LRRIQ1: variants seen among roughly 807,000 people sequenced by gnomAD.
LRRIQ1 encodes the protein leucine rich repeats and IQ motif containing 1, also known as leucine-rich repeat- and IQ domain-containing protein 1.
Under a neutral mutation model 211.9 loss-of-function variants are expected in LRRIQ1, and 210 were observed. The observed-to-expected ratio is 0.99, with a 90% CI of 0.89 to 1.11. LRRIQ1 has a LOEUF of 1.11. Among genes scored for constraint, LRRIQ1 ranks in the 50% most tolerant of loss-of-function variants. LRRIQ1 has a pLI of 0.00. For missense variants in LRRIQ1, 2,136 were observed against 1,939.5 expected, an observed-to-expected ratio of 1.10 and a Z score of -1.90; for synonymous variants, 699 against 650.1, an observed-to-expected ratio of 1.08 and a Z score of -1.14.
At chr12:85,271,988 C>T in the LRRIQ1 span, among the ~76,000 whole-genome samples, 1 of 151,806 alleles carries the variant, frequency 6.6e-6, no homozygotes, top group Non-Finnish European at 1.5e-5. Context: ...ATGGATGATA[C>T]CTGAAGAAAT....
rs1367845533 is a variant in LRRIQ1, at chr12:85,153,817, G to A, written c.4637+59G>A. ...AATTGAGAGATTGCTAAAAGTCCAA[G>A]ACAGATACTTTTCAAGATTTTAAGA... On this transcript the variant is annotated intron_variant, in intron 22 of 26. Transcript: ENST00000393217. 4 of 1,126,600 alleles carry A rather than the reference G, an allele frequency of 3.6e-6. No individual in the cohort carries two copies. The African/African-American group carries it at 4.9e-5, about 14-fold the overall frequency. 69.8% of individuals were successfully genotyped at this position (1,126,600 alleles called of 1,614,324 possible). A position where few individuals can be genotyped will look rare whatever the true frequency, so the allele number is the denominator to read the frequency against.
intron 26 of LRRIQ1, among the ~76,000 whole-genome samples, chr12:85,243,135 C>T (rs1335946579): frequency 6.7e-6 from 1 of 149,610 alleles, no homozygotes; most frequent in Non-Finnish European, 1.5e-5. Flanking sequence ...CATGTTTTTT[C>T]TTGTTACCTA....
At chr12:85,166,511 AT>A (rs1273679150) in intron 24 of LRRIQ1, among the ~76,000 whole-genome samples, 1 of 152,196 alleles carries the variant, frequency 6.6e-6, no homozygotes, top group Admixed American at 6.5e-5. Context: ...ACTCCAGAAC[AT>A]TTCTTTTGTG....
chr12:85,133,104 G>A, intron 18 of LRRIQ1, among the ~76,000 whole-genome samples: 1 of 152,076 alleles, frequency 6.6e-6, no homozygotes, highest in Admixed American at 6.5e-5. Context: ...AAGGAAATTG[G>A]GGGAAATATA....
At chr12:85,195,134 A>G (rs967624123) in intron 24 of LRRIQ1, among the ~76,000 whole-genome samples, 2 of 152,146 alleles carry the variant, frequency 1.3e-5, no homozygotes, top group South Asian at 2.1e-4. Flanking sequence ...AAGAAGTTGA[A>G]TCTCTGAATA....
At chr12:85,226,413 A>G (rs1021291108) in intron 24 of LRRIQ1, among the ~76,000 whole-genome samples, 2 of 152,138 alleles carry the variant, frequency 1.3e-5, no homozygotes, top group Non-Finnish European at 2.9e-5. Context: ...TAAGGAAACC[A>G]GATCAGTAGC....
chr12:85,040,513 A>T lies in LRRIQ1; in HGVS notation c.156A>T (p.Ser52=), dbSNP rs1376821330. The change falls in exon 3 of 27, where the codon TCA becomes TCT. Residue 52 remains serine (S), a synonymous_variant. Coordinates refer to ENST00000393217, the MANE Select transcript of LRRIQ1 (RefSeq NM_001079910.2). ...AGGATTCAGTTGAATTACCAGAATC[A>T]GTTCTTCACTGTATTAACATCATAA... ...SDTDSVELPE[S]VLHCINIIKN... The T allele has an allele frequency of 6.4e-7, 1 of 1,553,806 alleles. No homozygotes were observed. Among genetic ancestry groups the T allele is most frequent in the Non-Finnish European group, 8.7e-7 (1 of 1,148,846 alleles).
chr12:85,099,085 T>C, intron 13 of LRRIQ1, 91 bp downstream of exon 13: 1 of 805,064 alleles, frequency 1.2e-6, no homozygotes, highest in Non-Finnish European at 1.8e-6. Context: ...TAGATTTCTC[T>C]AATAATTCAA....
At chr12:85,152,841 A>C (rs1890325899) in intron 20 of LRRIQ1, among the ~76,000 whole-genome samples, 183 bp from the exon 21 acceptor site, 1 of 151,598 alleles carries the variant, frequency 6.6e-6, no homozygotes, top group Non-Finnish European at 1.5e-5. Flanking sequence ...CAAAAAGCAT[A>C]ATTTCCACCA....
At chr12:85,185,534 A>G in intron 24 of LRRIQ1, among the ~76,000 whole-genome samples, 1 of 151,970 alleles carries the variant, frequency 6.6e-6, no homozygotes, top group Admixed American at 6.6e-5. Context: ...TATTTAAGTT[A>G]CAGCAATAAC....
At chr12:85,106,353 AG>A (rs1704738393) in intron 14 of LRRIQ1, among the ~76,000 whole-genome samples, 168 bp from the exon 15 acceptor site, 2 of 152,352 alleles carry the variant, frequency 1.3e-5, no homozygotes, top group African/African-American at 4.8e-5. Context: ...TTCTGACAAT[AG>A]TCTGTGTCCT....
chr12:85,194,521 A>G (rs1430131878), intron 24 of LRRIQ1, among the ~76,000 whole-genome samples: 5 of 149,912 alleles, frequency 3.3e-5, no homozygotes, highest in African/African-American at 1.2e-4. Context: ...TAAGAATCTC[A>G]CTCAAAACCG....
intron 24 of LRRIQ1, among the ~76,000 whole-genome samples, chr12:85,227,495 C>G (rs1894721127): frequency 6.6e-6 from 1 of 151,972 alleles, no homozygotes; most frequent in African/African-American, 2.4e-5. Flanking sequence ...CTGTTCATAT[C>G]CTTCGCCCAC....
chr12:85,113,907 T>TTTGTGTGTGTG (rs1239287833), intron 15 of LRRIQ1, among the ~76,000 whole-genome samples: 2 of 140,866 alleles, frequency 1.4e-5, no homozygotes, highest in Non-Finnish European at 3.1e-5. Flanking sequence ...CAAATGAGTT[T>TTTGTGTGTGTG]TGTGTGTGTG....
intron 18 of LRRIQ1, among the ~76,000 whole-genome samples, chr12:85,129,566 T>A (rs1213408303): frequency 6.6e-6 from 1 of 152,152 alleles, no homozygotes; most frequent in Non-Finnish European, 1.5e-5. Flanking sequence ...GATGGATGTG[T>A]AAGACCAGGA....
intron 6 of LRRIQ1, among the ~76,000 whole-genome samples, chr12:85,050,273 C>G (rs1380161862): frequency 6.6e-6 from 1 of 152,130 alleles, no homozygotes; most frequent in Non-Finnish European, 1.5e-5. Context: ...TTTTCTTACT[C>G]CATATACCTC....
At chr12:85,144,037 A>C (rs1191719930) in intron 19 of LRRIQ1, among the ~76,000 whole-genome samples, 1 of 151,524 alleles carries the variant, frequency 6.6e-6, no homozygotes, top group Non-Finnish European at 1.5e-5. Context: ...GGTACCTGAC[A>C]ACTAGTTTAT....
chr12:85,050,566 C>G (rs1880183582), intron 6 of LRRIQ1, among the ~76,000 whole-genome samples: 1 of 152,044 alleles, frequency 6.6e-6, no homozygotes, highest in African/African-American at 2.4e-5. Flanking sequence ...TTTATTCTTC[C>G]TTCTTTTTTA....
At position 85,152,226 on chromosome 12, in the gene LRRIQ1, C is replaced by T. The variant is rs542985674; in HGVS notation, c.4330-54C>T. Reference sequence around the variant, plus strand: ...AGTCTATAAGATGAATTAAAAGAAACATTGTAAAAGTTATGTAAGCTAAAT... The same window carrying T: ...AGTCTATAAGATGAATTAAAAGAAATATTGTAAAAGTTATGTAAGCTAAAT... On this transcript the variant is annotated intron_variant, in intron 19 of 26. Coordinates refer to ENST00000393217, the MANE Select transcript of LRRIQ1 (RefSeq NM_001079910.2). 160 of 1,435,308 alleles carry T rather than the reference C, an allele frequency of 1.1e-4. 2 individuals are homozygous for T. The Admixed American group carries it at 1.4e-3, about 13-fold the overall frequency. The allele number at this position is 1,435,308 out of a possible 1,614,324, so 88.9% of individuals were successfully genotyped here. A position where few individuals can be genotyped will look rare whatever the true frequency, so the allele number is the denominator to read the frequency against.
Sources: allele counts gnomAD v4.1 joint callset (sites outside exome capture counted in the v4.1 genomes callset), GRCh38; gene constraint gnomAD v4.1.1; transcripts MANE v1.5; gene names NCBI Gene and HGNC (gene_info 2026-07-23, HGNC 2026-07-21).